TRAPPC13: variants seen among roughly 807,000 people sequenced by gnomAD.
TRAPPC13 encodes the protein trafficking protein particle complex subunit 13.
Under a neutral mutation model 54.0 loss-of-function variants are expected in TRAPPC13, and 39 were observed. The observed-to-expected ratio is 0.72, with a 90% CI of 0.56 to 0.94. The LOEUF is 0.94. TRAPPC13 is among the 40% of genes least tolerant of loss of function. The pLI is 0.00. For missense variants in TRAPPC13, 386 were observed against 488.1 expected (o/e 0.79, Z 1.97); for synonymous variants, 148 against 167.7 (o/e 0.88, Z 0.91).
chr5:65,663,975 T>A, intron 11 of TRAPPC13: 1 of 386,350 alleles, frequency 2.6e-6, no homozygotes, highest in Non-Finnish European at 4.6e-6. Context: ...AGGAGGCCAG[T>A]GTTGAGTAAT....
chr5:65,648,334 A>G (rs1040946508), intron 5 of TRAPPC13, among the ~76,000 whole-genome samples: 17 of 152,194 alleles, frequency 1.1e-4, no homozygotes, highest in African/African-American at 4.1e-4. Flanking sequence ...CACTTTTTGT[A>G]TCTTCTATAG....
At chr5:65,628,560 C>G (rs1292156303) in intron 1 of TRAPPC13, among the ~76,000 whole-genome samples, 1 of 151,690 alleles carries the variant, frequency 6.6e-6, no homozygotes, top group African/African-American at 2.4e-5. Flanking sequence ...AAACCTCAAC[C>G]TCCCGGGTTC....
chr5:65,640,365 C>G (rs1182569048), intron 4 of TRAPPC13, among the ~76,000 whole-genome samples: 4 of 152,076 alleles, frequency 2.6e-5, no homozygotes, highest in Non-Finnish European at 5.9e-5. Flanking sequence ...AGCAAGGCAC[C>G]GCCTCTACAA....
intron 6 of TRAPPC13, among the ~76,000 whole-genome samples, chr5:65,651,652 G>GGGA (rs1037590667): frequency 6.7e-6 from 1 of 149,186 alleles, no homozygotes; most frequent in Non-Finnish European, 1.5e-5. Context: ...TATGTGGGGG[G>GGGA]GGTGGTGAGG....
chr5:65,655,836 C>T (rs536598991), intron 8 of TRAPPC13, among the ~76,000 whole-genome samples, 183 bp downstream of exon 8: 4 of 151,838 alleles, frequency 2.6e-5, no homozygotes, highest in African/African-American at 9.6e-5. Context: ...TTTTCTATTC[C>T]GTGGGGCAAA....
At chr5:65,632,243 AAC>A (rs781643677) in intron 1 of TRAPPC13, among the ~76,000 whole-genome samples, 2 of 152,218 alleles carry the variant, frequency 1.3e-5, no homozygotes, top group Non-Finnish European at 2.9e-5. Context: ...CAACCTGGGT[AAC>A]AAAATGAGAC....
At chr5:65,633,304 G>A (rs773243504) in intron 1 of TRAPPC13, among the ~76,000 whole-genome samples, 14 of 150,790 alleles carry the variant, frequency 9.3e-5, no homozygotes, top group Non-Finnish European at 1.9e-4. Flanking sequence ...TTTTTGAGGC[G>A]GGGTCTTGCT....
intron 1 of TRAPPC13, chr5:65,630,240 T>C (rs946664645): frequency 2.0e-6 from 3 of 1,535,886 alleles, no homozygotes; most frequent in Non-Finnish European, 8.7e-7. Flanking sequence ...TGTGATATTA[T>C]GTATTGTGAA....
intron 7 of TRAPPC13, among the ~76,000 whole-genome samples, chr5:65,653,144 A>G (rs1756533937): frequency 6.6e-6 from 1 of 151,210 alleles, no homozygotes; most frequent in Non-Finnish European, 1.5e-5. Flanking sequence ...CAAAAAAAAA[A>G]AAGAACTTGC....
intron 4 of TRAPPC13, among the ~76,000 whole-genome samples, chr5:65,638,461 G>C (rs1359290210): frequency 6.6e-6 from 1 of 152,136 alleles, no homozygotes; most frequent in African/African-American, 2.4e-5. Context: ...AGAATGGGAG[G>C]ATACAGATAA....
In TRAPPC13 at chr5:65,659,679, A is replaced by C. The variant is rs537182309; in HGVS notation, c.699-1020A>C. Among the ~76,000 whole-genome samples the C allele has an allele frequency of 3.9e-5, 6 of 152,348 alleles. 2 individuals carry two copies. The highest frequency in any genetic ancestry group is 1.4e-4 in the African/African-American group (6 of 41,590). On this transcript the variant is annotated intron_variant, in intron 9 of 12. Coordinates refer to ENST00000399438, the MANE Select transcript of TRAPPC13 (RefSeq NM_024941.4). ...AGGAAGAATAAATGTAAAGTTGACA[A>C]TAATACAGATAAGAAAGTAATAGGC...
chr5:65,650,880 C>T lies in TRAPPC13; in HGVS notation c.499C>T (p.Gln167Ter). 1 of 1,608,008 alleles carries T rather than the reference C, an allele frequency of 6.2e-7. No individual in the cohort carries two copies. ...KMYFRKFFKF[Q>*]VLKPLDVKTK... is the part of the protein sequence containing the mutation. ...GTATTTCAGAAAATTCTTCAAATTT[C>T]AGGTATTGAATATGACAATGGTAAA... is the stretch of plus-strand genomic sequence containing the variant. The change falls in exon 6 of 13, where the codon CAG (glutamine) becomes TAG (stop). Residue 167 changes from glutamine (Q) to a stop codon, truncating the protein, a stop_gained and splice_region_variant. Transcript: ENST00000399438. LOFTEE classifies it high-confidence loss of function.
intron 11 of TRAPPC13, 82 bp downstream of exon 11, chr5:65,662,232 CCTTTT>C: frequency 1.0e-6 from 1 of 955,040 alleles, no homozygotes; most frequent in Non-Finnish European, 1.5e-6. Context: ...GTTACTATCT[CCTTTT>C]AAGTTTTCCT....
Position 65,650,809 on chromosome 5 carries a change from G to T in TRAPPC13, c.429-1G>T. The T allele has an allele frequency of 2.5e-6, 4 of 1,611,940 alleles. No individual in the cohort carries two copies. The highest frequency in any genetic ancestry group is 3.4e-6 in the Non-Finnish European group (4 of 1,179,162). On this transcript the variant is annotated splice_acceptor_variant, in intron 5 of 12. Coordinates refer to ENST00000399438, the MANE Select transcript of TRAPPC13 (RefSeq NM_024941.4). LOFTEE classifies it high-confidence loss of function. ...ATCGTTAAGACATCTTTCTGTTTCA[G>T]CTTGGTATGTGCTGTGAGTTATACA...
intron 1 of TRAPPC13, chr5:65,629,978 T>C (rs1371987551): frequency 1.3e-6 from 2 of 1,535,844 alleles, no homozygotes; most frequent in Non-Finnish European, 1.7e-6. Flanking sequence ...CAAGAGGAGA[T>C]CTTGGAGTAT....
chr5:65,660,823 G>C lies in TRAPPC13; in HGVS notation c.823G>C (p.Gly275Arg). ...CATCATTAAGGGAGTAACAGTAATTGGAAAATTGGATATAGTATGGAAAAC... is the reference window on the plus strand; with the variant it reads ...CATCATTAAGGGAGTAACAGTAATTCGAAAATTGGATATAGTATGGAAAAC... The part of the protein sequence containing the change: ...AGIIKGVTVI[G>R]KLDIVWKTNL... Residue 275 changes from glycine (G) to arginine (R), a missense_variant, in exon 10 of 13, where the codon GGA becomes CGA. Physicochemically the swap from Gly to Arg is moderately radical, Grantham distance 125 (BLOSUM62 -2). Coordinates refer to ENST00000399438, the MANE Select transcript of TRAPPC13 (RefSeq NM_024941.4). 1.9e-6 allele frequency: 3 copies of C among 1,613,706 alleles called. No individual in the cohort carries two copies. The highest frequency in any genetic ancestry group is 2.5e-6 in the Non-Finnish European group (3 of 1,179,764).
In TRAPPC13 at chr5:65,665,173, C is replaced by CA. The variant is rs879409527; in HGVS notation, c.*563dup. 6.6e-6 allele frequency: 1 copy of CA among 152,410 alleles called. No homozygotes were observed. The highest frequency in any genetic ancestry group is 6.5e-5 in the Admixed American group (1 of 15,268). The allele number at this position is 152,410 out of a possible 1,614,324, so 9.4% of individuals were successfully genotyped here. On this transcript the variant is annotated 3_prime_UTR_variant, in exon 13 of 13. Coordinates refer to ENST00000399438, the MANE Select transcript of TRAPPC13 (RefSeq NM_024941.4). ...TGCTACTGCACTCTAGCCTGAGCGA[C>CA]AGAGTGAGACTCTGTCTCAAAAAAA...
At chr5:65,662,178 CCTTT>C (rs774430956) in intron 11 of TRAPPC13, 28 bp downstream of exon 11, 1 of 1,453,498 alleles carries the variant, frequency 6.9e-7, no homozygotes. Flanking sequence ...AGATGGATGT[CCTTT>C]CTACCTCACC....
At chr5:65,652,339 CTT>C (rs11354403) in intron 6 of TRAPPC13, among the ~76,000 whole-genome samples, 160 bp from the exon 7 acceptor site, 6 of 116,218 alleles carry the variant, frequency 5.2e-5, no homozygotes, top group African/African-American at 1.9e-4. Context: ...TTTTTCTTTT[CTT>C]TTTTTTTTTT....
Sources: allele counts gnomAD v4.1 joint callset (sites outside exome capture counted in the v4.1 genomes callset), GRCh38; gene constraint gnomAD v4.1.1; transcripts MANE v1.5; gene names NCBI Gene and HGNC (gene_info 2026-07-23, HGNC 2026-07-21).